ANK3: variants seen among roughly 807,000 people sequenced by gnomAD.
ANK3 encodes the protein ankyrin-3.
A neutral mutation model predicts 370.9 loss-of-function variants in ANK3; 57 were observed. The observed-to-expected ratio is 0.15, with a 90% CI of 0.12 to 0.19. The LOEUF is 0.19. Among genes scored for constraint, ANK3 ranks in the 10% least tolerant of loss-of-function variants. ANK3 has a pLI of 1.00. For missense variants in ANK3, 4,439 were observed against 5,302.1 expected (o/e 0.84, Z 5.06); for synonymous variants, 1,929 against 1,946.3 (o/e 0.99, Z 0.23).
intron 3 of ANK3, 61 bp from the exon 4 acceptor site, chr10:60,278,933 C>T (rs1445877289): frequency 1.8e-5 from 29 of 1,570,706 alleles, no homozygotes; most frequent in Non-Finnish European, 2.4e-5. Flanking sequence ...CTGTTCTCCC[C>T]AAAGAGAACA....
intron 25 of ANK3, among the ~76,000 whole-genome samples, chr10:60,125,836 T>A (rs186530748): frequency 3.3e-3 from 502 of 152,292 alleles, no homozygotes; most frequent in African/African-American, 0.012. Context: ...GCAGGAAGTT[T>A]CTTCTGAAGA....
chr10:60,033,536 A>ACAAAC (rs35202181), intron 43 of ANK3, among the ~76,000 whole-genome samples: 1 of 98,394 alleles, frequency 1.0e-5, no homozygotes, highest in Non-Finnish European at 2.0e-5. Context: ...AAAAAAAAAA[A>ACAAAC]AAACTTGGAA....
At position 60,140,227 on chromosome 10, in the gene ANK3, C is replaced by A. The variant is rs970927557; in HGVS notation, c.2615-1140G>T. On this transcript the variant is annotated intron_variant, in intron 23 of 43. Coordinates refer to ENST00000280772, the MANE Select transcript of ANK3 (RefSeq NM_020987.5). ...CAAATGTAAAAACTAAACAGATCAACTTTCTACTGCTGCTACCCAGTACCA... is the reference window on the plus strand; with the variant it reads ...CAAATGTAAAAACTAAACAGATCAAATTTCTACTGCTGCTACCCAGTACCA... 8 of 1,046,658 alleles carry A rather than the reference C, an allele frequency of 7.6e-6. No individual in the cohort carries two copies. The Admixed American group carries it at 1.5e-4, about 20-fold the overall frequency. The allele number at this position is 1,046,658 out of a possible 1,614,324, so 64.8% of individuals were successfully genotyped here. A position where few individuals can be genotyped will look rare whatever the true frequency, so the allele number is the denominator to read the frequency against.
chr10:60,424,323 A>G (rs2063835844), intron 2 of ANK3, among the ~76,000 whole-genome samples: 1 of 152,086 alleles, frequency 6.6e-6, no homozygotes, highest in Non-Finnish European at 1.5e-5. Context: ...AAGGTCACCA[A>G]TAAGAGAATC....
chr10:60,556,867 A>G (rs937754893), intron 2 of ANK3, among the ~76,000 whole-genome samples: 46 of 152,284 alleles, frequency 3.0e-4, no homozygotes, highest in African/African-American at 1.0e-3. Flanking sequence ...GGTAGTGAGC[A>G]TTACTGCCTG....
At chr10:60,101,888 T>C (rs1011732548) in intron 28 of ANK3, among the ~76,000 whole-genome samples, 3 of 152,000 alleles carry the variant, frequency 2.0e-5, no homozygotes, top group Admixed American at 2.0e-4. Context: ...CCAGCTGACA[T>C]ATATGTGGCT....
intron 1 of ANK3, among the ~76,000 whole-genome samples, chr10:60,359,729 G>A (rs929098838): frequency 6.6e-6 from 1 of 152,132 alleles, no homozygotes; most frequent in South Asian, 2.1e-4. Flanking sequence ...TTGAGCACAG[G>A]AGTTCAAGGC....
At chr10:60,106,133 T>G in intron 27 of ANK3, 74 bp from the exon 28 acceptor site, 1 of 1,344,294 alleles carries the variant, frequency 7.4e-7, no homozygotes, top group South Asian at 1.5e-5. Context: ...AAATGTTTCG[T>G]TAACAGTATT....
chr10:60,662,712 C>T (rs1347465330), intron 1 of ANK3, among the ~76,000 whole-genome samples: 7 of 152,078 alleles, frequency 4.6e-5, no homozygotes, highest in African/African-American at 1.4e-4. Context: ...GAAACATAAA[C>T]GCAAGCTTCA....
Position 60,068,964 on chromosome 10 carries a change from T to A in ANK3, c.11917A>T (p.Thr3973Ser). The A allele has an allele frequency of 6.2e-7, 1 of 1,613,640 alleles. No homozygotes were observed. The highest frequency in any genetic ancestry group is 8.5e-7 in the Non-Finnish European group (1 of 1,179,884). The change falls in exon 37 of 44, where the codon ACC (threonine) becomes TCC (serine). Residue 3973 changes from threonine to serine, a missense_variant. Coordinates refer to ENST00000280772, the MANE Select transcript of ANK3 (RefSeq NM_020987.5). ...GTGCAGCTGGTGGTGGTGGTAGTGG[T>A]GGTAGTGGTGGTGGTGGTGGCAGTG... ...TTTATTTTTT[T>S]TTTTTSCTVK...
intron 1 of ANK3, among the ~76,000 whole-genome samples, chr10:60,675,697 C>G (rs1046013376): frequency 6.6e-6 from 1 of 152,230 alleles, no homozygotes; most frequent in East Asian, 1.9e-4. Context: ...TAGGACAGAG[C>G]CAGAGTTCAT....
chr10:60,442,705 A>T (rs1472394845), intron 2 of ANK3, among the ~76,000 whole-genome samples: 1 of 152,218 alleles, frequency 6.6e-6, no homozygotes, highest in Non-Finnish European at 1.5e-5. Context: ...ACTTGGAATA[A>T]AGTATTCTTC....
At chr10:60,274,551 C>T (rs2098055679) in intron 4 of ANK3, among the ~76,000 whole-genome samples, 1 of 152,162 alleles carries the variant, frequency 6.6e-6, no homozygotes. Flanking sequence ...GGTAGACACA[C>T]ATGCAGGCTA....
chr10:60,679,571 C>T (rs1278752084), intron 1 of ANK3, among the ~76,000 whole-genome samples: 1 of 152,122 alleles, frequency 6.6e-6, no homozygotes, highest in Non-Finnish European at 1.5e-5. Flanking sequence ...ATGCCTCAAA[C>T]GAGCATGTGC....
rs138826424 is a variant in ANK3 at position 60,193,579 on chromosome 10, T to A, written c.1887+2566A>T. On this transcript the variant is annotated intron_variant, in intron 16 of 43. Transcript: ENST00000280772. ...CTGAGGCAGGAGAATTGCTTCAACC[T>A]GGGAGGCGGAGGTTGCAGTGAGCCA... 7.4e-3 allele frequency among the ~76,000 whole-genome samples: 1,106 copies of A among 149,394 alleles called. 4 individuals carry two copies. Among genetic ancestry groups the A allele is most frequent in the Admixed American group, 0.012 (173 of 14,970 alleles).
chr10:60,151,882 C>T (rs1331579611), intron 23 of ANK3, among the ~76,000 whole-genome samples: 2 of 152,202 alleles, frequency 1.3e-5, no homozygotes, highest in East Asian at 3.8e-4. Flanking sequence ...CTTACTGAAA[C>T]TTATTTTCCA....
intron 1 of ANK3, among the ~76,000 whole-genome samples, chr10:60,362,518 A>T (rs2058763016): frequency 6.6e-6 from 1 of 152,216 alleles, no homozygotes; most frequent in Non-Finnish European, 1.5e-5. Flanking sequence ...CCCAAATGAG[A>T]ATACTTCTAT....
At chr10:60,114,521 T>C (rs1425314260) in intron 25 of ANK3, among the ~76,000 whole-genome samples, 190 bp from the exon 26 acceptor site, 1 of 152,236 alleles carries the variant, frequency 6.6e-6, no homozygotes, top group Non-Finnish European at 1.5e-5. Flanking sequence ...AGTCTATTGA[T>C]GTATTGTTTT....
At chr10:60,609,899 A>G (rs2078178950) in intron 2 of ANK3, among the ~76,000 whole-genome samples, 1 of 152,224 alleles carries the variant, frequency 6.6e-6, no homozygotes, top group South Asian at 2.1e-4. Flanking sequence ...TTTACATATT[A>G]GAAAACAATT....
Sources: allele counts gnomAD v4.1 joint callset (sites outside exome capture counted in the v4.1 genomes callset), GRCh38; gene constraint gnomAD v4.1.1; transcripts MANE v1.5; gene names NCBI Gene and HGNC (gene_info 2026-07-23, HGNC 2026-07-21).